The following CUBN variants were observed in gnomAD, a reference collection of about 807,000 sequenced individuals.
CUBN encodes the protein 460 kDa receptor.
A neutral mutation model predicts 405.3 loss-of-function variants in CUBN; 282 were observed. That is an observed-to-expected ratio of 0.70 (90% confidence interval 0.63 to 0.77). The LOEUF is 0.77. Ranked by LOEUF, CUBN falls within the 30% of genes least tolerant of loss-of-function variation. The probability of loss-of-function intolerance (pLI) is 0.00; values close to 1 mark genes in which losing one functional copy is unlikely to be tolerated. For synonymous variants in CUBN, 1,684 were observed against 1,617.0 expected, an observed-to-expected ratio of 1.04 and a Z score of -0.99; for missense variants, 4,514 against 4,475.2, an observed-to-expected ratio of 1.01 and a Z score of -0.25.
chr10:16,843,155 C>T (rs1278578981), intron 60 of CUBN, among the ~76,000 whole-genome samples: 3 of 152,180 alleles, frequency 2.0e-5, no homozygotes, highest in Non-Finnish European at 2.9e-5. Context: ...ACTGTGGTGT[C>T]GCCAGCACCC....
chr10:16,986,276 C>A (rs574882454), intron 29 of CUBN, among the ~76,000 whole-genome samples: 1 of 121,974 alleles, frequency 8.2e-6, no homozygotes, highest in African/African-American at 3.0e-5. Flanking sequence ...TCCCTCTGTG[C>A]CTTTCCCCCA....
chr10:16,998,714 A>G (rs1460523583), intron 28 of CUBN, among the ~76,000 whole-genome samples: 3 of 152,204 alleles, frequency 2.0e-5, no homozygotes, highest in Admixed American at 6.5e-5. Context: ...TCCATCTTGT[A>G]ATTATTACTT....
intron 14 of CUBN, among the ~76,000 whole-genome samples, chr10:17,095,305 A>T (rs1836347861): frequency 6.6e-6 from 1 of 152,112 alleles, no homozygotes; most frequent in Admixed American, 6.6e-5. Context: ...AATCCAGGAA[A>T]ACATACAGGA....
chr10:17,097,869 T>A (rs1836409307), intron 14 of CUBN, among the ~76,000 whole-genome samples: 1 of 151,908 alleles, frequency 6.6e-6, no homozygotes, highest in Non-Finnish European at 1.5e-5. Context: ...AGGTGTGGGT[T>A]TTTTTTTAAT....
chr10:17,089,915 A>G (rs1419937772), intron 14 of CUBN, among the ~76,000 whole-genome samples: 1 of 152,092 alleles, frequency 6.6e-6, no homozygotes, highest in Non-Finnish European at 1.5e-5. Flanking sequence ...ATTTGAGCCC[A>G]GTTTAAGAAC....
At chr10:16,907,411 A>G in intron 49 of CUBN, 97 bp downstream of exon 49, 1 of 1,268,486 alleles carries the variant, frequency 7.9e-7, no homozygotes, top group Admixed American at 1.7e-5. Flanking sequence ...AGTATCACTA[A>G]AGGGAAAATG....
At chr10:16,886,617 A>G (rs1032228053) in intron 56 of CUBN, among the ~76,000 whole-genome samples, 2 of 152,132 alleles carry the variant, frequency 1.3e-5, no homozygotes, top group African/African-American at 4.8e-5. Flanking sequence ...CGGCATCTCT[A>G]CTGTTCCCTC....
chr10:17,061,260 CA>C (rs1835499927), intron 22 of CUBN, among the ~76,000 whole-genome samples: 1 of 152,132 alleles, frequency 6.6e-6, no homozygotes, highest in Non-Finnish European at 1.5e-5. Flanking sequence ...AATTCTACAG[CA>C]ATTCACATGC....
At chr10:16,861,454 G>A (rs545151697) in intron 59 of CUBN, among the ~76,000 whole-genome samples, 1 of 152,164 alleles carries the variant, frequency 6.6e-6, no homozygotes, top group Non-Finnish European at 1.5e-5. Context: ...GAGCCAGCAT[G>A]CCTGGCCAAT....
At chr10:16,886,809 A>G (rs1840831526) in intron 56 of CUBN, among the ~76,000 whole-genome samples, 1 of 152,212 alleles carries the variant, frequency 6.6e-6, no homozygotes, top group Non-Finnish European at 1.5e-5. Flanking sequence ...TCTTTTTGAG[A>G]CAGAGTTTCG....
intron 31 of CUBN, among the ~76,000 whole-genome samples, chr10:16,978,387 C>T (rs1427756257): frequency 6.6e-6 from 1 of 152,188 alleles, no homozygotes; most frequent in East Asian, 1.9e-4. Context: ...AAATGTCATC[C>T]AAAATTTCAA....
At chr10:16,903,893 T>C (rs905889938) in intron 51 of CUBN, 73 bp downstream of exon 51, 2 of 1,067,142 alleles carry the variant, frequency 1.9e-6, no homozygotes, top group East Asian at 2.8e-5. Flanking sequence ...ACAAAATATA[T>C]ATGAAATCTT....
chr10:17,122,381 G>A (rs1837062704), intron 6 of CUBN: 1 of 302,792 alleles, frequency 3.3e-6, no homozygotes, highest in African/African-American at 2.2e-5. Flanking sequence ...AAAACTATGA[G>A]CTTGCTAATA....
chr10:16,979,370 G>C (rs545297589), intron 31 of CUBN, among the ~76,000 whole-genome samples: 2 of 152,180 alleles, frequency 1.3e-5, no homozygotes, highest in African/African-American at 2.4e-5. Flanking sequence ...CAAAAAAAGA[G>C]CCTGTACAGC....
At chr10:16,971,840 G>A (rs544067710) in intron 31 of CUBN, among the ~76,000 whole-genome samples, 2 of 151,674 alleles carry the variant, frequency 1.3e-5, no homozygotes, top group South Asian at 4.2e-4. Flanking sequence ...ACTGATTTTG[G>A]TTAACCCATT....
At chr10:16,933,518 T>C (rs1034503964) in intron 39 of CUBN, among the ~76,000 whole-genome samples, 1 of 152,258 alleles carries the variant, frequency 6.6e-6, no homozygotes, top group African/African-American at 2.4e-5. Context: ...ACCATAATTT[T>C]GCTATATAAC....
At position 16,907,665 on chromosome 10, in the gene CUBN, A is replaced by C. The variant is rs371646253; in HGVS notation, c.7548T>G (p.Ile2516Met). ...NNEHVIVFNG[I>M]RSNSPQLEKL... ...TCTCTAGCTGGGGTGAGTTACTTCT[A>C]ATGCCATTGAATACCTGTTGGAAAA... The change falls in exon 49 of 67, where the codon ATT (isoleucine) becomes ATG (methionine). Residue 2516 changes from isoleucine to methionine, a missense_variant. Around this residue, in one of 5 missense-constraint regions of CUBN, gnomAD observed 1,613 missense variants for 1,542.8 expected, o/e 1.05. Coordinates refer to ENST00000377833, the MANE Select transcript of CUBN (RefSeq NM_001081.4). 4.3e-6 allele frequency: 7 copies of C among 1,612,146 alleles called. No homozygotes were observed. In the African/African-American group the frequency reaches 8.0e-5, roughly 18 times the overall value.
intron 36 of CUBN, among the ~76,000 whole-genome samples, chr10:16,946,295 G>A (rs949899456): frequency 6.6e-6 from 1 of 150,856 alleles, no homozygotes; most frequent in Non-Finnish European, 1.5e-5. Context: ...TCTACTCTAG[G>A]ACATATTATT....
chr10:17,114,335 A>G (rs1307346987), intron 7 of CUBN, 146 bp from the exon 8 acceptor site: 2 of 806,958 alleles, frequency 2.5e-6, no homozygotes, highest in East Asian at 2.7e-5. Flanking sequence ...TTCTTCCCAT[A>G]TGATTAAGCA....
Sources: allele counts gnomAD v4.1 joint callset (sites outside exome capture counted in the v4.1 genomes callset), GRCh38; gene constraint gnomAD v4.1.1; regional missense constraint gnomAD v4.1.1; transcripts MANE v1.5; gene names NCBI Gene and HGNC (gene_info 2026-07-23, HGNC 2026-07-21).